The following SUMF1 variants were observed in gnomAD, a reference collection of about 807,000 sequenced individuals.
The protein encoded by SUMF1 is formylglycine-generating enzyme.
Under a neutral mutation model 47.6 loss-of-function variants are expected in SUMF1, and 48 were observed. The ratio of observed to expected loss-of-function variants is 1.01; its 90% confidence interval spans 0.80 to 1.28. The LOEUF is 1.28. Among genes scored for constraint, SUMF1 ranks in the 50% most tolerant of loss-of-function variants. The pLI, the probability that SUMF1 is intolerant of heterozygous loss-of-function variation, is 0.00. For synonymous variants in SUMF1, 230 were observed against 192.1 expected (o/e 1.20, Z -1.63); for missense variants, 571 against 485.4 (o/e 1.18, Z -1.66).
At chr3:4,431,528 G>A (rs711653) in intron 3 of SUMF1, among the ~76,000 whole-genome samples, 35,097 of 152,196 alleles carry the variant, frequency 0.23, 5,037 homozygotes, top group Non-Finnish European at 0.32. Flanking sequence ...ACTGAGAGCT[G>A]TTGCGTCGCT....
chr3:4,090,311 G>C (rs1337211490), intron 8 of SUMF1, among the ~76,000 whole-genome samples: 2 of 152,008 alleles, frequency 1.3e-5, no homozygotes, highest in Non-Finnish European at 2.9e-5. Flanking sequence ...GTTTTCTCTA[G>C]GTACTTTGGT....
chr3:4,252,764 A>C (rs1209862262), intron 8 of SUMF1, among the ~76,000 whole-genome samples: 3 of 152,208 alleles, frequency 2.0e-5, no homozygotes, highest in Admixed American at 2.0e-4. Context: ...TAGCAAAGCA[A>C]AGAACTTTAC....
chr3:4,207,061 T>C (rs1010303683), intron 8 of SUMF1, among the ~76,000 whole-genome samples: 3 of 152,146 alleles, frequency 2.0e-5, no homozygotes, highest in Non-Finnish European at 2.9e-5. Flanking sequence ...TATATAGTTC[T>C]TGTACTTTAA....
At chr3:4,079,962 G>A (rs148184424) in intron 8 of SUMF1, among the ~76,000 whole-genome samples, 3 of 151,644 alleles carry the variant, frequency 2.0e-5, no homozygotes, top group Non-Finnish European at 2.9e-5. Flanking sequence ...CTCTCCCTGC[G>A]TGCAACCTCA....
chr3:4,385,438 C>T (rs979713470), intron 7 of SUMF1, among the ~76,000 whole-genome samples: 1 of 150,862 alleles, frequency 6.6e-6, no homozygotes, highest in Non-Finnish European at 1.5e-5. Flanking sequence ...TCTGTGGTGT[C>T]TCTTCATGTC....
At chr3:4,253,889 G>A (rs945170071) in intron 8 of SUMF1, among the ~76,000 whole-genome samples, 1 of 149,942 alleles carries the variant, frequency 6.7e-6, no homozygotes, top group African/African-American at 2.5e-5. Context: ...GAGAGCAGTG[G>A]TTCTCCCAGC....
chr3:4,089,793 T>A (rs1160060451), intron 8 of SUMF1, among the ~76,000 whole-genome samples: 1 of 152,164 alleles, frequency 6.6e-6, no homozygotes, highest in Non-Finnish European at 1.5e-5. Flanking sequence ...TCACATCATA[T>A]TTTTGTAGTG....
chr3:4,113,578 T>C (rs1693358725), intron 8 of SUMF1, among the ~76,000 whole-genome samples: 1 of 151,952 alleles, frequency 6.6e-6, no homozygotes, highest in Admixed American at 6.6e-5. Context: ...TTGCTAACTA[T>C]AGTCACCCTA....
At chr3:4,392,613 G>GTATATA (rs1209743421) in intron 7 of SUMF1, among the ~76,000 whole-genome samples, 29 of 77,808 alleles carry the variant, frequency 3.7e-4, no homozygotes, top group African/African-American at 8.0e-4. Flanking sequence ...GTGTGTGTGT[G>GTATATA]TGTATATATA....
rs781453236 is a variant in SUMF1, at chr3:4,418,010, C to CT, written c.724dup (p.Arg242LysfsTer31). The CT allele has an allele frequency of 6.2e-7, 1 of 1,613,828 alleles. No individual in the cohort carries two copies. Among genetic ancestry groups the CT allele is most frequent in the South Asian group, 1.1e-5 (1 of 91,062 alleles). On this transcript the variant is annotated frameshift_variant and splice_region_variant, in exon 5 of 9. Transcript: ENST00000272902. LOFTEE classifies it high-confidence loss of function. ...AGGCAAAATGAGATCCTCTAAATAC[C>CT]TATTATGCAGGCCTCCTCGACAGCT...
intron 8 of SUMF1, among the ~76,000 whole-genome samples, chr3:4,251,608 C>T (rs1316381852): frequency 6.6e-6 from 1 of 152,180 alleles, no homozygotes; most frequent in Non-Finnish European, 1.5e-5. Context: ...ACCACAGCCA[C>T]CCCAACTTTC....
rs75459310 is a variant in SUMF1, at chr3:4,411,518, A to T, written c.841-540T>A. On this transcript the variant is annotated intron_variant, in intron 6 of 8. Coordinates refer to ENST00000272902, the MANE Select transcript of SUMF1 (RefSeq NM_182760.4). ...ATTTCTTTTTATAAAGAAAATGTGA[A>T]TCCATTATCAAGTGTATTGGTAATA... 7.8e-3 allele frequency among the ~76,000 whole-genome samples: 1,192 copies of T among 152,278 alleles called. 10 individuals are homozygous for T. The highest frequency in any genetic ancestry group is 0.024 in the African/African-American group (988 of 41,552).
At chr3:4,237,749 T>C (rs1696440556) in intron 8 of SUMF1, among the ~76,000 whole-genome samples, 1 of 152,070 alleles carries the variant, frequency 6.6e-6, no homozygotes, top group African/African-American at 2.4e-5. Context: ...TATTTTAGGA[T>C]TTTTGTAATT....
intron 8 of SUMF1, among the ~76,000 whole-genome samples, chr3:4,223,003 G>A (rs1052007764): frequency 6.6e-6 from 1 of 152,132 alleles, no homozygotes; most frequent in African/African-American, 2.4e-5. Flanking sequence ...GGGTGTGACA[G>A]TGTGGTAAAG....
At chr3:4,057,994 C>G (rs973006954) in intron 9 of SUMF1, among the ~76,000 whole-genome samples, 1 of 152,060 alleles carries the variant, frequency 6.6e-6, no homozygotes, top group Non-Finnish European at 1.5e-5. Flanking sequence ...GATCTACCAA[C>G]AAGTATAAGT....
At chr3:4,158,121 C>T (rs1694495709) in intron 8 of SUMF1, among the ~76,000 whole-genome samples, 1 of 151,572 alleles carries the variant, frequency 6.6e-6, no homozygotes, top group Non-Finnish European at 1.5e-5. Flanking sequence ...TTTGCAATTA[C>T]CAAGAGGCCA....
chr3:4,144,788 G>T (rs1052790648), intron 8 of SUMF1, among the ~76,000 whole-genome samples: 2 of 151,988 alleles, frequency 1.3e-5, no homozygotes, highest in African/African-American at 4.8e-5. Context: ...GTTTTATTTT[G>T]ATTTTTGAAA....
intron 8 of SUMF1, among the ~76,000 whole-genome samples, chr3:4,250,277 G>A (rs1298993807): frequency 4.0e-5 from 6 of 148,840 alleles, no homozygotes; most frequent in Non-Finnish European, 7.5e-5. Flanking sequence ...AGGGGGAAAG[G>A]GGGAAGGAAG....
chr3:4,181,127 C>T (rs1325130384), intron 8 of SUMF1, among the ~76,000 whole-genome samples: 1 of 152,162 alleles, frequency 6.6e-6, no homozygotes, highest in Non-Finnish European at 1.5e-5. Flanking sequence ...ACTAGTGTGC[C>T]ATCAAGGGTG....
Sources: gnomAD v4.1 joint callset for allele counts (sites outside exome capture counted in the v4.1 genomes callset) on GRCh38, gnomAD v4.1.1 for gene constraint, MANE v1.5 for transcripts, NCBI Gene and HGNC (gene_info 2026-07-23, HGNC 2026-07-21) for gene names.